The following SORCS2 variants were observed in gnomAD, a reference collection of about 807,000 sequenced individuals.
SORCS2 encodes the protein VPS10 domain-containing receptor SorCS2.
Under a neutral mutation model 141.6 loss-of-function variants are expected in SORCS2, and 100 were observed. The observed-to-expected ratio is 0.71, with a 90% CI of 0.60 to 0.83. The LOEUF (loss-of-function observed/expected upper bound fraction) is 0.83. Ranked by LOEUF, SORCS2 falls within the 40% of genes least tolerant of loss-of-function variation. SORCS2 has a pLI of 0.00. For missense variants in SORCS2, 1,646 were observed against 1,560.2 expected (o/e 1.05, Z -0.93); for synonymous variants, 789 against 676.9 (o/e 1.17, Z -2.57).
At chr4:7,676,928 C>A (rs1560475978) in intron 9 of SORCS2, among the ~76,000 whole-genome samples, 2 of 56,344 alleles carry the variant, frequency 3.5e-5, no homozygotes. Context: ...CTCTCCCTCT[C>A]TCCCTCTCTC....
At chr4:7,524,699 G>A (rs926690959) in intron 2 of SORCS2, among the ~76,000 whole-genome samples, 1 of 151,970 alleles carries the variant, frequency 6.6e-6, no homozygotes, top group Non-Finnish European at 1.5e-5. Context: ...GGGTGCGGCA[G>A]TGCCTCCTTA....
At chr4:7,521,418 T>A (rs1369622913) in intron 2 of SORCS2, among the ~76,000 whole-genome samples, 1 of 152,112 alleles carries the variant, frequency 6.6e-6, no homozygotes, top group East Asian at 1.9e-4. Context: ...CCTTTCACAC[T>A]CAGAATCTGG....
At chr4:7,487,239 A>G (rs905567952) in intron 2 of SORCS2, among the ~76,000 whole-genome samples, 3 of 152,246 alleles carry the variant, frequency 2.0e-5, no homozygotes, top group African/African-American at 7.2e-5. Context: ...TCAGCTATGG[A>G]AGCCTTCTCT....
chr4:7,632,808 C>A (rs1238343230), intron 3 of SORCS2, among the ~76,000 whole-genome samples: 1 of 152,076 alleles, frequency 6.6e-6, no homozygotes, highest in Non-Finnish European at 1.5e-5. Flanking sequence ...CAGAAGCAGA[C>A]CCACCAAGAG....
chr4:7,714,157 C>T (rs969754219), intron 15 of SORCS2, 83 bp from the exon 16 acceptor site: 5 of 1,506,720 alleles, frequency 3.3e-6, no homozygotes, highest in East Asian at 2.4e-5. Context: ...CATCTTCAGG[C>T]TCTGGCAGCC....
chr4:7,691,635 C>G (rs1323165306), intron 11 of SORCS2, among the ~76,000 whole-genome samples: 2 of 152,092 alleles, frequency 1.3e-5, no homozygotes, highest in Admixed American at 1.3e-4. Flanking sequence ...GAAAATGTGA[C>G]CCATCAGCAT....
chr4:7,734,167 C>CGGGGGACAGGCTGGGGACGGGT lies in SORCS2; in HGVS notation c.3209-95_3209-74dup, dbSNP rs1577136778. The CGGGGGACAGGCTGGGGACGGGT allele has an allele frequency of 5.9e-5, 25 of 421,488 alleles. No homozygotes were observed. The East Asian group carries it at 1.1e-3, about 19-fold the overall frequency. The allele number at this position is 421,488 out of a possible 1,614,324, so 26.1% of individuals were successfully genotyped here. A position where few individuals can be genotyped will look rare whatever the true frequency, so the allele number is the denominator to read the frequency against. On this transcript the variant is annotated intron_variant, in intron 24 of 26. Coordinates refer to ENST00000507866, the MANE Select transcript of SORCS2 (RefSeq NM_020777.3). ...AGGCAGGGGACAAGCTGGGGATGGG[C>CGGGGGACAGGCTGGGGACGGGT]GGGGGACAGGCTGGGGACGGGTGGG...
chr4:7,399,549 TG>T (rs2109121419), intron 2 of SORCS2, among the ~76,000 whole-genome samples: 1 of 152,190 alleles, frequency 6.6e-6, no homozygotes, highest in East Asian at 1.9e-4. Flanking sequence ...CTTCTTGTGG[TG>T]GTGATGGGGG....
chr4:7,207,658 G>A (rs748506883), intron 1 of SORCS2, among the ~76,000 whole-genome samples: 17 of 152,344 alleles, frequency 1.1e-4, no homozygotes, highest in Non-Finnish European at 2.1e-4. Context: ...CAGTCCCAGG[G>A]AAGACTGCAC....
At chr4:7,412,211 C>T (rs926289701) in intron 2 of SORCS2, among the ~76,000 whole-genome samples, 4 of 152,200 alleles carry the variant, frequency 2.6e-5, no homozygotes, top group South Asian at 2.1e-4. Flanking sequence ...GTGCCACCCG[C>T]GTGTCACTCT....
chr4:7,541,593 C>T (rs767232390), intron 3 of SORCS2, among the ~76,000 whole-genome samples: 46 of 152,204 alleles, frequency 3.0e-4, no homozygotes, highest in Non-Finnish European at 5.7e-4. Flanking sequence ...CGGGGGCGCC[C>T]AGGCAGCCAG....
At chr4:7,549,071 T>C (rs1107692) in intron 3 of SORCS2, among the ~76,000 whole-genome samples, 99,168 of 151,772 alleles carry the variant, frequency 0.65, 34,516 homozygotes, top group East Asian at 0.89. Context: ...AGGAGGGTTC[T>C]CCAAGCCTGG....
chr4:7,196,092 G>A (rs1439112642), intron 1 of SORCS2, among the ~76,000 whole-genome samples: 4 of 152,164 alleles, frequency 2.6e-5, no homozygotes, highest in African/African-American at 4.8e-5. Context: ...TCCTTCCAAC[G>A]GCTTGGTTCT....
intron 2 of SORCS2, among the ~76,000 whole-genome samples, chr4:7,416,383 G>A (rs1288564907): frequency 1.3e-5 from 2 of 152,172 alleles, no homozygotes; most frequent in African/African-American, 4.8e-5. Flanking sequence ...CAAAGTCCAA[G>A]CATGTGTGTT....
intron 1 of SORCS2, among the ~76,000 whole-genome samples, chr4:7,348,150 G>C (rs920010471): frequency 6.6e-5 from 10 of 152,230 alleles, no homozygotes; most frequent in African/African-American, 2.4e-4. Context: ...GCCGATGTGA[G>C]ACAGGTCATC....
intron 2 of SORCS2, among the ~76,000 whole-genome samples, chr4:7,507,061 T>C (rs550341129): frequency 6.6e-6 from 1 of 152,246 alleles, no homozygotes; most frequent in Non-Finnish European, 1.5e-5. Flanking sequence ...GTTAGAGTTG[T>C]GTTTCTGAGC....
chr4:7,680,617 C>T (rs1253050828), intron 9 of SORCS2, among the ~76,000 whole-genome samples: 1 of 152,234 alleles, frequency 6.6e-6, no homozygotes, highest in Admixed American at 6.5e-5. Flanking sequence ...CCACAGCATC[C>T]TATGCAGATA....
chr4:7,478,170 C>T (rs976629301), intron 2 of SORCS2, among the ~76,000 whole-genome samples: 1 of 152,292 alleles, frequency 6.6e-6, no homozygotes, highest in African/African-American at 2.4e-5. Flanking sequence ...CCCAGTGAGG[C>T]AGTTTGAAAA....
At chr4:7,526,670 G>A (rs1176701127) in intron 2 of SORCS2, among the ~76,000 whole-genome samples, 1 of 152,120 alleles carries the variant, frequency 6.6e-6, no homozygotes, top group African/African-American at 2.4e-5. Flanking sequence ...TCTGCACTCT[G>A]GTGGTAATGT....
Sources: allele counts gnomAD v4.1 joint callset (sites outside exome capture counted in the v4.1 genomes callset), GRCh38; gene constraint gnomAD v4.1.1; transcripts MANE v1.5; gene names NCBI Gene and HGNC (gene_info 2026-07-23, HGNC 2026-07-21).